RERE: variants seen among roughly 807,000 people sequenced by gnomAD.
The protein encoded by RERE is arginine-glutamic acid dipeptide repeats protein.
Under a neutral mutation model 146.1 loss-of-function variants are expected in RERE, and 40 were observed. The ratio of observed to expected loss-of-function variants is 0.27; its 90% confidence interval spans 0.21 to 0.36. The LOEUF (loss-of-function observed/expected upper bound fraction) is 0.36. RERE is among the 10% of genes least tolerant of loss of function. The pLI is 1.00. For synonymous variants in RERE, 1,003 were observed against 866.0 expected, an observed-to-expected ratio of 1.16 and a Z score of -2.78; for missense variants, 1,933 against 2,138.7, an observed-to-expected ratio of 0.90 and a Z score of 1.90.
At chr1:8,705,468 G>C (rs138866463) in intron 1 of RERE, among the ~76,000 whole-genome samples, 1 of 152,134 alleles carries the variant, frequency 6.6e-6, no homozygotes, top group East Asian at 1.9e-4. Context: ...TCAGATCTCA[G>C]GTCAAACATC....
chr1:8,732,370 A>G (rs1640104281), intron 1 of RERE, among the ~76,000 whole-genome samples: 1 of 152,254 alleles, frequency 6.6e-6, no homozygotes, highest in South Asian at 2.1e-4. Flanking sequence ...GTTAAGTGAA[A>G]GAAGCCAATC....
chr1:8,534,233 T>C (rs1395613784), intron 7 of RERE, among the ~76,000 whole-genome samples: 1 of 152,136 alleles, frequency 6.6e-6, no homozygotes, highest in Non-Finnish European at 1.5e-5. Flanking sequence ...AAGATTTATG[T>C]TGAGGAAAAA....
chr1:8,531,776 C>T (rs551443320), intron 7 of RERE, among the ~76,000 whole-genome samples: 5 of 152,160 alleles, frequency 3.3e-5, no homozygotes, highest in South Asian at 4.2e-4. Context: ...TATTACAGAG[C>T]GTTGAATTTT....
intron 2 of RERE, among the ~76,000 whole-genome samples, chr1:8,648,779 T>C (rs944688105): frequency 1.3e-5 from 2 of 152,110 alleles, no homozygotes; most frequent in African/African-American, 2.4e-5. Context: ...CACAAACTTA[T>C]ATACATAAAT....
At chr1:8,713,316 T>C (rs1420530753) in intron 1 of RERE, among the ~76,000 whole-genome samples, 1 of 152,184 alleles carries the variant, frequency 6.6e-6, no homozygotes, top group African/African-American at 2.4e-5. Flanking sequence ...ATTATTAAAA[T>C]CAAATGTAAA....
chr1:8,806,001 G>C (rs1010316020), intron 1 of RERE: 1 of 151,418 alleles, frequency 6.6e-6, no homozygotes, highest in Non-Finnish European at 1.5e-5. Flanking sequence ...ACAGGCATTC[G>C]CCACCATGCC....
chr1:8,803,688 G>A (rs892006173), intron 1 of RERE, among the ~76,000 whole-genome samples: 2 of 150,994 alleles, frequency 1.3e-5, no homozygotes, highest in Non-Finnish European at 2.9e-5. Context: ...TCAGCATCGC[G>A]AGTAGCTGAG....
chr1:8,773,024 T>C (rs1640984107), intron 1 of RERE, among the ~76,000 whole-genome samples: 1 of 151,858 alleles, frequency 6.6e-6, no homozygotes, highest in Non-Finnish European at 1.5e-5. Context: ...GAGGTGAAGG[T>C]TGCAGTGAAC....
chr1:8,510,219 A>G (rs1184404335), intron 7 of RERE, among the ~76,000 whole-genome samples: 3 of 152,168 alleles, frequency 2.0e-5, no homozygotes, highest in South Asian at 4.1e-4. Context: ...GTATTCATCA[A>G]CATAAGACAC....
In RERE at chr1:8,355,487, C is replaced by T; in HGVS notation, c.4599G>A (p.Glu1533=). Residue 1533 remains glutamate (E), a synonymous_variant, in exon 22 of 23, where the codon GAG becomes GAA. Transcript: ENST00000400908. ...GGGGGTGTCCATGCAGCCACTGCTG[C>T]TCCATGGCCAGTCTCTGCAGCTCGG... ...QSAELQRLAM[E]QQWLHGHPHM... is the part of the protein sequence containing the mutation. The T allele has an allele frequency of 6.2e-7, 1 of 1,612,888 alleles. No individual in the cohort carries two copies. Among genetic ancestry groups the T allele is most frequent in the Non-Finnish European group, 8.5e-7 (1 of 1,179,954 alleles).
intron 10 of RERE, among the ~76,000 whole-genome samples, chr1:8,469,248 T>G (rs1644647669): frequency 6.6e-6 from 1 of 152,244 alleles, no homozygotes; most frequent in Non-Finnish European, 1.5e-5. Context: ...AAAAACCACT[T>G]ATGTGTCATA....
Position 8,494,969 on chromosome 1 carries a change from C to T in RERE, c.1104+94G>A, listed in dbSNP as rs549937864. Reference sequence around the variant, plus strand: ...CACAACTCACTCCTGAGTCTACAGGCGACTTCATGCTCCGCACTCATCACA... The same window carrying T: ...CACAACTCACTCCTGAGTCTACAGGTGACTTCATGCTCCGCACTCATCACA... On this transcript the variant is annotated intron_variant, in intron 10 of 22. Transcript: ENST00000400908. 25 of 902,296 alleles carry T rather than the reference C, an allele frequency of 2.8e-5. No individual in the cohort carries two copies. The East Asian group carries it at 3.8e-4, about 14-fold the overall frequency. 55.9% of individuals were successfully genotyped at this position (902,296 alleles called of 1,614,324 possible).
At chr1:8,669,622 A>G (rs1339629988) in intron 1 of RERE, among the ~76,000 whole-genome samples, 2 of 152,198 alleles carry the variant, frequency 1.3e-5, no homozygotes, top group African/African-American at 2.4e-5. Context: ...CTGTAAAAAC[A>G]CAGTCAATTA....
At chr1:8,764,811 C>G (rs1411494964) in intron 1 of RERE, among the ~76,000 whole-genome samples, 5 of 152,326 alleles carry the variant, frequency 3.3e-5, no homozygotes, top group Non-Finnish European at 1.5e-5. Context: ...CCACTTCACA[C>G]CCATCAGAAT....
intron 2 of RERE, among the ~76,000 whole-genome samples, chr1:8,653,203 G>A (rs1647718930): frequency 6.6e-6 from 1 of 152,084 alleles, no homozygotes; most frequent in South Asian, 2.1e-4. Flanking sequence ...ACACATATTT[G>A]ACTACTATTT....
At chr1:8,726,231 T>C (rs1639965511) in intron 1 of RERE, among the ~76,000 whole-genome samples, 1 of 141,748 alleles carries the variant, frequency 7.1e-6, no homozygotes, top group Non-Finnish European at 1.5e-5. Flanking sequence ...TTCGGCTCAC[T>C]GCAAGCTCCA....
intron 1 of RERE, among the ~76,000 whole-genome samples, chr1:8,811,893 C>T (rs1211031810): frequency 6.6e-6 from 1 of 152,162 alleles, no homozygotes; most frequent in East Asian, 1.9e-4. Flanking sequence ...AGGGCCATGG[C>T]ACTAGGGTAA....
At chr1:8,700,460 A>C (rs548202931) in intron 1 of RERE, among the ~76,000 whole-genome samples, 82 of 152,174 alleles carry the variant, frequency 5.4e-4, no homozygotes, top group African/African-American at 1.8e-3. Flanking sequence ...GCCTGAAAAG[A>C]CTCAAATCTA....
At chr1:8,675,701 C>T (rs747490968) in intron 1 of RERE, among the ~76,000 whole-genome samples, 18 of 151,304 alleles carry the variant, frequency 1.2e-4, no homozygotes, top group Non-Finnish European at 2.4e-4. Context: ...CCAGCCTGGG[C>T]GACAAGAGCG....
Sources: allele counts gnomAD v4.1 joint callset (sites outside exome capture counted in the v4.1 genomes callset), GRCh38; gene constraint gnomAD v4.1.1; transcripts MANE v1.5; gene names NCBI Gene and HGNC (gene_info 2026-07-23, HGNC 2026-07-21).